Variants in B4GALNT2 observed in about 807,000 individuals in gnomAD.
B4GALNT2 encodes the protein N-acetylneuraminylgalactosylglucosyl-glucoside beta-1,4-N- acetylgalactosaminyltransferase 2.
B4GALNT2 carries 42 observed loss-of-function variants against 51.1 expected under a neutral mutation model. That is an observed-to-expected ratio of 0.82 (90% CI 0.64 to 1.06). The LOEUF (loss-of-function observed/expected upper bound fraction) is 1.06. B4GALNT2 is among the 50% of genes least tolerant of loss of function. The pLI is 0.00. For missense variants in B4GALNT2, 602 were observed against 633.6 expected, an observed-to-expected ratio of 0.95 and a Z score of 0.54; for synonymous variants, 253 against 251.7, an observed-to-expected ratio of 1.01 and a Z score of -0.05.
the B4GALNT2 span, among the ~76,000 whole-genome samples, chr17:49,125,300 C>G: frequency 6.6e-6 from 1 of 152,166 alleles, no homozygotes; most frequent in Non-Finnish European, 1.5e-5. Flanking sequence ...GCTGGGATTA[C>G]AGGCGAGCGC....
intron 1 of B4GALNT2, 30 bp downstream of exon 1, chr17:49,132,836 G>A: frequency 7.3e-7 from 1 of 1,374,838 alleles, no homozygotes; most frequent in Non-Finnish European, 9.4e-7. Flanking sequence ...AGCAGAGCGA[G>A]AGGTGAAACT....
At chr17:49,126,323 C>T in the B4GALNT2 span, among the ~76,000 whole-genome samples, 1 of 152,020 alleles carries the variant, frequency 6.6e-6, no homozygotes, top group Non-Finnish European at 1.5e-5. Flanking sequence ...AGAGTCACCA[C>T]CACTCCCTAA....
In B4GALNT2 at chr17:49,175,395, G is replaced by T. The variant is rs1429131367; in HGVS notation, c.*5667G>T. The T allele has an allele frequency of 2.0e-5, 3 of 152,170 alleles. No individual in the cohort carries two copies. The allele number at this position is 152,170 out of a possible 1,614,324, so 9.4% of individuals were successfully genotyped here. A position where few individuals can be genotyped will look rare whatever the true frequency, so the allele number is the denominator to read the frequency against. The stretch of plus-strand genomic sequence containing the variant: ...TCCTGGCTCTGCTTTCCAAGGAAAA[G>T]AAGTAAATATAACAATTTGAATTTC... On this transcript the variant is annotated 3_prime_UTR_variant, in exon 11 of 11. Coordinates refer to ENST00000393354, the MANE Select transcript of B4GALNT2 (RefSeq NM_001159387.2).
intron 3 of B4GALNT2, among the ~76,000 whole-genome samples, chr17:49,143,305 A>AAAAC (rs1239446150): frequency 6.6e-6 from 1 of 151,950 alleles, no homozygotes; most frequent in African/African-American, 2.4e-5. Context: ...CAAAAACAAA[A>AAAAC]AAACAAAAAA....
the B4GALNT2 span, among the ~76,000 whole-genome samples, chr17:49,121,112 A>G: frequency 1.3e-5 from 2 of 152,294 alleles, no homozygotes; most frequent in South Asian, 4.2e-4. Context: ...AAGAAGAGGA[A>G]GGGTTACTGA....
chr17:49,133,012 C>G (rs1266415337), intron 1 of B4GALNT2: 1 of 1,473,408 alleles, frequency 6.8e-7, no homozygotes, highest in Non-Finnish European at 8.9e-7. Context: ...GGAACGAACT[C>G]TGCACCCCCA....
At chr17:49,157,391 G>C (rs1266021899) in intron 5 of B4GALNT2, among the ~76,000 whole-genome samples, 1 of 109,146 alleles carries the variant, frequency 9.2e-6, no homozygotes, top group African/African-American at 3.6e-5. Context: ...TGCAATCTCT[G>C]CTCACTGCAA....
intron 3 of B4GALNT2, chr17:49,149,247 C>G (rs1449172904): frequency 1.3e-5 from 2 of 152,060 alleles, no homozygotes; most frequent in African/African-American, 2.4e-5. Context: ...TACTAAGCCA[C>G]TTCCCTATTG....
Position 49,158,914 on chromosome 17 carries a change from T to TG in B4GALNT2, c.499-121dup, listed in dbSNP as rs995951965. 4 of 1,159,566 alleles carry TG rather than the reference T, an allele frequency of 3.4e-6. No homozygotes were observed. The African/African-American group carries it at 6.1e-5, about 18-fold the overall frequency. The allele number at this position is 1,159,566 out of a possible 1,614,324, so 71.8% of individuals were successfully genotyped here. On this transcript the variant is annotated intron_variant, in intron 5 of 10. Transcript: ENST00000393354. ...CAGCCCTACACTGTCAAGGGCACCCTGGTGCTTCTCCCCTCACCCTTATGT... is the reference window on the plus strand; with the variant it reads ...CAGCCCTACACTGTCAAGGGCACCCTGGGTGCTTCTCCCCTCACCCTTATGT...
At chr17:49,155,793 G>C (rs965500263) in intron 4 of B4GALNT2, among the ~76,000 whole-genome samples, 3 of 151,108 alleles carry the variant, frequency 2.0e-5, no homozygotes, top group African/African-American at 7.3e-5. Flanking sequence ...TCGAGATCTC[G>C]GCTCACTGCA....
Position 49,164,141 on chromosome 17 carries a change from C to T in B4GALNT2, c.820C>T (p.His274Tyr), listed in dbSNP as rs760281270. 1 of 1,614,156 alleles carries T rather than the reference C, an allele frequency of 6.2e-7. No homozygotes were observed. The highest frequency in any genetic ancestry group is 1.7e-5 in the Admixed American group (1 of 60,022). The part of the protein sequence containing the change: ...TIATKTFLRP[H>Y]KLMIMLRSIR... ...TGCTACCAAGACTTTCCTCCGCCCC[C>T]ACAAGCTCATGATCATGCTCCGGAG... Residue 274 changes from histidine (H) to tyrosine (Y), a missense_variant, in exon 8 of 11, where the codon CAC becomes TAC. Transcript: ENST00000393354.
upstream of B4GALNT2, among the ~76,000 whole-genome samples, chr17:49,129,399 A>C (rs1383794783): frequency 9.9e-5 from 15 of 152,160 alleles, no homozygotes; most frequent in Admixed American, 9.8e-4. Context: ...GTAAAGTGAG[A>C]GACAAGATGG....
intron 3 of B4GALNT2, among the ~76,000 whole-genome samples, chr17:49,143,068 G>A (rs1165253493): frequency 1.3e-5 from 2 of 152,130 alleles, no homozygotes; most frequent in Non-Finnish European, 2.9e-5. Flanking sequence ...GGCCAACATG[G>A]TGAAACCCCA....
intron 5 of B4GALNT2, among the ~76,000 whole-genome samples, chr17:49,157,099 G>A (rs2042817484): frequency 6.6e-6 from 1 of 152,212 alleles, no homozygotes; most frequent in Non-Finnish European, 1.5e-5. Context: ...GTTGGAATGG[G>A]TGATGAGTGA....
intron 1 of B4GALNT2, among the ~76,000 whole-genome samples, chr17:49,138,912 A>G (rs2144275595): frequency 6.6e-6 from 1 of 152,274 alleles, no homozygotes; most frequent in Non-Finnish European, 1.5e-5. Flanking sequence ...AAAGAAAAAC[A>G]AAAAATAAAA....
At position 49,160,388 on chromosome 17, in the gene B4GALNT2, A is replaced by T. The variant is rs138532987; in HGVS notation, c.680-167A>T. ...CAGCACGTTGCCCCAGGGACACAGC[A>T]AGGCAGAAGCCTGAATGCCAGAGAC... On this transcript the variant is annotated intron_variant, in intron 6 of 10. Transcript: ENST00000393354. 2.2e-3 allele frequency among the ~76,000 whole-genome samples: 337 copies of T among 152,306 alleles called. 5 individuals are homozygous for T. Among genetic ancestry groups the T allele is most frequent in the African/African-American group, 8.0e-3 (331 of 41,562 alleles).
intron 1 of B4GALNT2, among the ~76,000 whole-genome samples, chr17:49,134,951 T>C (rs1015917990): frequency 2.6e-5 from 4 of 152,176 alleles, no homozygotes; most frequent in African/African-American, 9.7e-5. Flanking sequence ...CTGAAAGGCA[T>C]TTCTGCTATC....
intron 3 of B4GALNT2, chr17:49,148,722 A>C (rs2042721203): frequency 8.5e-6 from 5 of 586,534 alleles, no homozygotes; most frequent in Non-Finnish European, 3.1e-6. Flanking sequence ...GTGCTTAGGC[A>C]TGTGGACATC....
At chr17:49,158,818 T>G (rs1441541461) in intron 5 of B4GALNT2, among the ~76,000 whole-genome samples, 1 of 152,004 alleles carries the variant, frequency 6.6e-6, no homozygotes. Flanking sequence ...AAATGGGTCC[T>G]TTCATCCTTG....
Sources: gnomAD v4.1 joint callset for allele counts (sites outside exome capture counted in the v4.1 genomes callset) on GRCh38, gnomAD v4.1.1 for gene constraint, MANE v1.5 for transcripts, NCBI Gene and HGNC (gene_info 2026-07-23, HGNC 2026-07-21) for gene names.